The following OLFML2B variants were observed in gnomAD, a reference collection of about 807,000 sequenced individuals.
The protein encoded by OLFML2B is olfactomedin like 2B, also known as olfactomedin-like protein 2B.
In OLFML2B, 57 loss-of-function variants were observed where a neutral mutation model predicts 74.9. That is an observed-to-expected ratio of 0.76 (90% CI 0.61 to 0.95). The LOEUF is 0.95. OLFML2B is among the 40% of genes least tolerant of loss of function. OLFML2B has a pLI of 0.00. For missense variants in OLFML2B, 986 were observed against 970.6 expected, an observed-to-expected ratio of 1.02 and a Z score of -0.21; for synonymous variants, 388 against 405.8, an observed-to-expected ratio of 0.96 and a Z score of 0.53.
At chr1:161,990,787 T>C (rs998325110) in intron 6 of OLFML2B, among the ~76,000 whole-genome samples, 2 of 152,226 alleles carry the variant, frequency 1.3e-5, no homozygotes, top group African/African-American at 2.4e-5. Flanking sequence ...TTTTACCCCA[T>C]AGTAGAACTT....
intron 1 of OLFML2B, among the ~76,000 whole-genome samples, 170 bp from the exon 2 acceptor site, chr1:162,020,352 T>A (rs115729532): frequency 0.011 from 1,678 of 152,318 alleles, 14 homozygotes; most frequent in Middle Eastern, 0.027. Context: ...GACTCTGACA[T>A]TTCCTTGAAG....
intron 3 of OLFML2B, among the ~76,000 whole-genome samples, chr1:162,006,786 T>C (rs1690246794): frequency 6.6e-6 from 1 of 152,226 alleles, no homozygotes; most frequent in Non-Finnish European, 1.5e-5. Flanking sequence ...TTTTCTGTCC[T>C]TTGTATATAG....
intron 4 of OLFML2B, among the ~76,000 whole-genome samples, chr1:162,005,943 C>T (rs1318372070): frequency 6.8e-6 from 1 of 146,998 alleles, no homozygotes; most frequent in East Asian, 2.0e-4. Flanking sequence ...GCCAGGACAG[C>T]AGGAGTAAAC....
At chr1:161,993,211 G>A (rs991654647) in intron 6 of OLFML2B, among the ~76,000 whole-genome samples, 6 of 152,210 alleles carry the variant, frequency 3.9e-5, no homozygotes, top group African/African-American at 1.2e-4. Context: ...ACTGGGCCCC[G>A]ATGCTCTTGT....
At chr1:161,989,803 G>T (rs1461491081) in intron 6 of OLFML2B, among the ~76,000 whole-genome samples, 1 of 152,192 alleles carries the variant, frequency 6.6e-6, no homozygotes, top group Admixed American at 6.5e-5. Context: ...AATGAGCACA[G>T]AATTGCAGGT....
intron 2 of OLFML2B, among the ~76,000 whole-genome samples, chr1:162,019,674 C>G (rs1403923941): frequency 6.6e-6 from 1 of 151,906 alleles, no homozygotes; most frequent in Non-Finnish European, 1.5e-5. Flanking sequence ...GGCAGCTGCT[C>G]CCAGGCCCAG....
At chr1:162,017,175 G>GA (rs1242346859) in intron 3 of OLFML2B, among the ~76,000 whole-genome samples, 1 of 151,952 alleles carries the variant, frequency 6.6e-6, no homozygotes, top group Non-Finnish European at 1.5e-5. Flanking sequence ...GGGATTTTAT[G>GA]AAAAAAAGAA....
chr1:162,019,458 A>C (rs1690636092), intron 2 of OLFML2B, among the ~76,000 whole-genome samples: 1 of 152,172 alleles, frequency 6.6e-6, no homozygotes, highest in African/African-American at 2.4e-5. Context: ...CCCTACCCTA[A>C]GGACCATTAT....
At position 161,984,209 on chromosome 1, in the gene OLFML2B, G is replaced by C; in HGVS notation, c.1719C>G (p.Gly573=). 1 of 1,579,640 alleles carries C rather than the reference G, an allele frequency of 6.3e-7. No homozygotes were observed. Among genetic ancestry groups the C allele is most frequent in the Non-Finnish European group, 8.6e-7 (1 of 1,163,478 alleles). Residue 573 remains glycine (G), a synonymous_variant, in exon 8 of 8, where the codon GGC becomes GGG. Coordinates refer to ENST00000294794, the MANE Select transcript of OLFML2B (RefSeq NM_015441.3). The part of the protein sequence containing the change: ...WIGTGHVVYN[G]AFYYNRAFTR... ...TGAAGGCGCGATTGTAGTAGAAGGC[G>C]CCATTGTATACCACGTGGCCTGTGC... is the stretch of plus-strand genomic sequence containing the variant.
At chr1:161,996,844 C>CTAAGCAG (rs1689921026) in intron 6 of OLFML2B, among the ~76,000 whole-genome samples, 1 of 152,212 alleles carries the variant, frequency 6.6e-6, no homozygotes, top group Non-Finnish European at 1.5e-5. Flanking sequence ...AGTCAGGAGG[C>CTAAGCAG]TTCCCTTCTC....
intron 6 of OLFML2B, 109 bp from the exon 7 acceptor site, chr1:161,985,089 C>T (rs1364710352): frequency 8.6e-7 from 1 of 1,169,212 alleles, no homozygotes; most frequent in African/African-American, 1.6e-5. Flanking sequence ...CAGGCTTTAA[C>T]AGCCCTGTAT....
At chr1:162,004,799 G>C (rs1690174768) in intron 4 of OLFML2B, among the ~76,000 whole-genome samples, 1 of 152,168 alleles carries the variant, frequency 6.6e-6, no homozygotes, top group Admixed American at 6.5e-5. Context: ...GACTCTAGCT[G>C]TCCCAGGCCC....
At chr1:161,995,694 C>T (rs1238963660) in intron 6 of OLFML2B, among the ~76,000 whole-genome samples, 1 of 152,214 alleles carries the variant, frequency 6.6e-6, no homozygotes, top group Non-Finnish European at 1.5e-5. Context: ...GGCTGGCAGA[C>T]ACCATTGCCT....
chr1:161,988,988 T>C (rs1185447498), intron 6 of OLFML2B, among the ~76,000 whole-genome samples: 1 of 152,180 alleles, frequency 6.6e-6, no homozygotes, highest in Admixed American at 6.5e-5. Flanking sequence ...TGATGTCCCC[T>C]TTCCCTTCAC....
rs140365334 is a variant in OLFML2B, at chr1:161,991,221, C to T, written c.1475-6241G>A. Among the ~76,000 whole-genome samples the T allele has an allele frequency of 1.0e-2, 1,523 of 152,318 alleles. 35 individuals are homozygous for T. Among genetic ancestry groups the T allele is most frequent in the African/African-American group, 0.035 (1,438 of 41,566 alleles). On this transcript the variant is annotated intron_variant, in intron 6 of 7. Transcript: ENST00000294794. ...TCCTTTCCAGAAGGTTTTCAATTTA[C>T]TTTGCCCAGATCCATCAGAGGAATC...
rs745474353 is a variant in OLFML2B, at chr1:161,997,990, C to G, written c.1309G>C (p.Val437Leu). ...QQPAAPAPPA[V>L]SPREALMEAM... ...TCCATCAATGCCTCCCTGGGAGACA[C>G]TGCCGGAGGAGCTGGGGCTGCTGGT... is the stretch of plus-strand genomic sequence containing the variant. Residue 437 changes from valine (V) to leucine (L), a missense_variant, in exon 6 of 8, where the codon GTG (valine) becomes CTG (leucine). Physicochemically the swap from Val to Leu is conservative, Grantham distance 32. Coordinates refer to ENST00000294794, the MANE Select transcript of OLFML2B (RefSeq NM_015441.3). 6.2e-7 allele frequency: 1 copy of G among 1,614,096 alleles called. No individual in the cohort carries two copies. Among genetic ancestry groups the G allele is most frequent in the Non-Finnish European group, 8.5e-7 (1 of 1,180,048 alleles).
At chr1:162,017,004 A>G (rs912304786) in intron 3 of OLFML2B, among the ~76,000 whole-genome samples, 1 of 152,224 alleles carries the variant, frequency 6.6e-6, no homozygotes, top group African/African-American at 2.4e-5. Context: ...AGGGGTATGC[A>G]CCAGAACAGT....
intron 6 of OLFML2B, among the ~76,000 whole-genome samples, chr1:161,993,268 G>A (rs554023816): frequency 6.6e-6 from 1 of 152,178 alleles, no homozygotes; most frequent in African/African-American, 2.4e-5. Context: ...TCTTTGCCTA[G>A]CTAATTTCCC....
At chr1:161,988,466 T>C (rs912965700) in intron 6 of OLFML2B, among the ~76,000 whole-genome samples, 11 of 152,152 alleles carry the variant, frequency 7.2e-5, no homozygotes, top group Admixed American at 4.6e-4. Context: ...ACCCGACTGC[T>C]GCCCCTTGGG....
Sources: allele counts gnomAD v4.1 joint callset (sites outside exome capture counted in the v4.1 genomes callset), GRCh38; gene constraint gnomAD v4.1.1; transcripts MANE v1.5; gene names NCBI Gene and HGNC (gene_info 2026-07-23, HGNC 2026-07-21).